FRMD4B: variants seen among roughly 807,000 people sequenced by gnomAD.
FRMD4B encodes the protein FERM domain-containing protein 4B.
A neutral mutation model predicts 141.5 loss-of-function variants in FRMD4B; 74 were observed. That is an observed-to-expected ratio of 0.52 (90% CI 0.43 to 0.63). The LOEUF (loss-of-function observed/expected upper bound fraction) is 0.63, where lower values mean the gene tolerates loss of function less well. Among genes scored for constraint, FRMD4B ranks in the 30% least tolerant of loss-of-function variants. FRMD4B has a pLI of 0.00. For synonymous variants in FRMD4B, 506 were observed against 467.9 expected (o/e 1.08, Z -1.05); for missense variants, 1,366 against 1,253.4 (o/e 1.09, Z -1.36).
chr3:69,363,602 G>T (rs1352870954), intron 1 of FRMD4B, among the ~76,000 whole-genome samples: 5 of 151,622 alleles, frequency 3.3e-5, no homozygotes, highest in African/African-American at 1.2e-4. Flanking sequence ...TGTTAGCCAG[G>T]ATGGTCTCAA....
intron 5 of FRMD4B, among the ~76,000 whole-genome samples, chr3:69,251,702 A>G (rs990044483): frequency 2.6e-5 from 4 of 152,376 alleles, no homozygotes; most frequent in Non-Finnish European, 5.9e-5. Flanking sequence ...CATAATCTCT[A>G]GAAACAGATT....
intron 2 of FRMD4B, among the ~76,000 whole-genome samples, chr3:69,412,501 A>C (rs1704776167): frequency 6.6e-6 from 1 of 152,180 alleles, no homozygotes; most frequent in Non-Finnish European, 1.5e-5. Flanking sequence ...TAAAGGTGGA[A>C]TATGGGCTGC....
chr3:69,430,200 T>C (rs1705156777), intron 2 of FRMD4B, among the ~76,000 whole-genome samples: 1 of 152,148 alleles, frequency 6.6e-6, no homozygotes, highest in Non-Finnish European at 1.5e-5. Flanking sequence ...AGTTAAGATA[T>C]TGACAATTCC....
chr3:69,296,662 AG>A (rs1701043488), intron 4 of FRMD4B, among the ~76,000 whole-genome samples: 1 of 152,210 alleles, frequency 6.6e-6, no homozygotes, highest in African/African-American at 2.4e-5. Context: ...TAGGAGAATC[AG>A]TTGTTTCTCA....
intron 1 of FRMD4B, among the ~76,000 whole-genome samples, chr3:69,324,514 C>CTATA (rs1702116795): frequency 6.6e-6 from 1 of 152,192 alleles, no homozygotes; most frequent in African/African-American, 2.4e-5. Flanking sequence ...GTCCTGGGCA[C>CTATA]TATAGGGTGC....
At chr3:69,212,130 C>T (rs9879588) in intron 11 of FRMD4B, among the ~76,000 whole-genome samples, 3 of 150,792 alleles carry the variant, frequency 2.0e-5, no homozygotes, top group African/African-American at 7.3e-5. Flanking sequence ...AGGCCCGAGG[C>T]AGGTGGATTG....
intron 1 of FRMD4B, among the ~76,000 whole-genome samples, chr3:69,434,420 C>T (rs1487062976): frequency 6.6e-6 from 1 of 152,204 alleles, no homozygotes; most frequent in Non-Finnish European, 1.5e-5. Context: ...GATACCTTGT[C>T]TGAGGTTACA....
intron 5 of FRMD4B, among the ~76,000 whole-genome samples, chr3:69,250,902 A>G (rs529414637): frequency 4.6e-5 from 7 of 151,908 alleles, no homozygotes; most frequent in Non-Finnish European, 1.0e-4. Context: ...AGCTTGGGCA[A>G]CATAGAGAGA....
intron 1 of FRMD4B, among the ~76,000 whole-genome samples, chr3:69,489,901 G>A (rs929963364): frequency 6.6e-6 from 1 of 152,154 alleles, no homozygotes; most frequent in Admixed American, 6.5e-5. Flanking sequence ...ATTCAGTAAT[G>A]AAAAGTAATA....
At chr3:69,486,121 C>A in intron 1 of FRMD4B, among the ~76,000 whole-genome samples, 1 of 152,144 alleles carries the variant, frequency 6.6e-6, no homozygotes, top group Admixed American at 6.5e-5. Context: ...GCATAAATAG[C>A]CTGGCTTTGA....
chr3:69,335,598 G>C (rs1440541263), intron 1 of FRMD4B, among the ~76,000 whole-genome samples: 1 of 151,884 alleles, frequency 6.6e-6, no homozygotes, highest in Non-Finnish European at 1.5e-5. Flanking sequence ...TTATGGGCAT[G>C]AGCCGCTGCA....
At chr3:69,424,773 T>C (rs1257680453) in intron 2 of FRMD4B, among the ~76,000 whole-genome samples, 1 of 152,226 alleles carries the variant, frequency 6.6e-6, no homozygotes. Context: ...AAGCAACTTC[T>C]TTAAAAATTC....
intron 2 of FRMD4B, among the ~76,000 whole-genome samples, chr3:69,415,728 G>A (rs1464073042): frequency 6.6e-6 from 1 of 152,134 alleles, no homozygotes; most frequent in Non-Finnish European, 1.5e-5. Flanking sequence ...ATTTATTAAT[G>A]GGACTATTTA....
intron 3 of FRMD4B, among the ~76,000 whole-genome samples, chr3:69,306,997 G>A (rs945233651): frequency 1.3e-5 from 2 of 151,962 alleles, no homozygotes; most frequent in African/African-American, 4.8e-5. Context: ...AATATTCCAG[G>A]CCCGCTCCCC....
chr3:69,290,796 A>C (rs1156351859), intron 4 of FRMD4B, among the ~76,000 whole-genome samples: 1 of 152,128 alleles, frequency 6.6e-6, no homozygotes, highest in Non-Finnish European at 1.5e-5. Context: ...AGTTTTAGAG[A>C]TCTGCCTACC....
intron 5 of FRMD4B, among the ~76,000 whole-genome samples, chr3:69,257,534 T>C (rs1265967248): frequency 6.6e-6 from 1 of 152,238 alleles, no homozygotes; most frequent in Non-Finnish European, 1.5e-5. Context: ...GCTAAATGCT[T>C]TATACTAACC....
At chr3:69,513,730 T>C (rs112584396) in intron 1 of FRMD4B, among the ~76,000 whole-genome samples, 1 of 152,072 alleles carries the variant, frequency 6.6e-6, no homozygotes, top group Admixed American at 6.6e-5. Flanking sequence ...AATACAAAGA[T>C]AGTTCAACAT....
intron 1 of FRMD4B, among the ~76,000 whole-genome samples, chr3:69,346,388 C>A (rs921921061): frequency 6.6e-6 from 1 of 152,080 alleles, no homozygotes; most frequent in Non-Finnish European, 1.5e-5. Context: ...GAGAATGGAA[C>A]CAAGTTGGAA....
At chr3:69,285,902 A>C (rs1700672845) in intron 5 of FRMD4B, among the ~76,000 whole-genome samples, 1 of 152,110 alleles carries the variant, frequency 6.6e-6, no homozygotes, top group Non-Finnish European at 1.5e-5. Context: ...AAAAATTTAA[A>C]AGCAGCTAAA....
Sources: allele counts gnomAD v4.1 joint callset (sites outside exome capture counted in the v4.1 genomes callset), GRCh38; gene constraint gnomAD v4.1.1; transcripts MANE v1.5; gene names NCBI Gene and HGNC (gene_info 2026-07-23, HGNC 2026-07-21).